Variants in TMEM60 observed in about 807,000 individuals in gnomAD.
TMEM60 encodes the protein chromosome 7 open reading frame 35.
Under a neutral mutation model 10.7 loss-of-function variants are expected in TMEM60, and 4 were observed. The observed-to-expected ratio is 0.37, with a 90% CI of 0.18 to 0.86. The LOEUF (loss-of-function observed/expected upper bound fraction) is 0.86, where lower values mean the gene tolerates loss of function less well. TMEM60 is among the 40% of genes least tolerant of loss of function. TMEM60 has a pLI of 0.43. For missense variants in TMEM60, 128 were observed against 153.4 expected (o/e 0.83, Z 0.88); for synonymous variants, 56 against 58.1 (o/e 0.96, Z 0.17).
Position 77,793,919 on chromosome 7 carries a change from C to G in TMEM60, c.*53G>C. 2 of 1,494,946 alleles carry G rather than the reference C, an allele frequency of 1.3e-6. No homozygotes were observed. Among genetic ancestry groups the G allele is most frequent in the Non-Finnish European group, 1.8e-6 (2 of 1,124,136 alleles). The allele number at this position is 1,494,946 out of a possible 1,614,324, so 92.6% of individuals were successfully genotyped here. ...CTTGAAGCTTGACAGATTCAGAACA[C>G]TTTAATGGTAACTTGTTGAACAGCA... On this transcript the variant is annotated 3_prime_UTR_variant, in exon 2 of 2. Transcript: ENST00000257663.
In TMEM60 at chr7:77,794,846, AAGAG is replaced by A. The variant is rs549610139; in HGVS notation, c.-50-427_-50-424del. Among the ~76,000 whole-genome samples, 43 of 152,286 alleles carry A rather than the reference AAGAG, an allele frequency of 2.8e-4. 1 individual carries two copies. The highest frequency in any genetic ancestry group is 2.0e-3 in the Admixed American group (31 of 15,292). ...AGTGAAAGGTGGGTATCAAGCTGAG[AAGAG>A]AGAGAGTTTTAAAAGAAGGGAATGG... is the stretch of plus-strand genomic sequence containing the variant. On this transcript the variant is annotated intron_variant, in intron 1 of 1. Transcript: ENST00000257663.
Position 77,793,832 on chromosome 7 carries a change from A to G in TMEM60, c.*140T>C. Reference sequence around the variant, plus strand: ...TTGACTAGAAGTCCGTGATTCACCAATCCTGTTTTATGGAAGTAGTATAAA... The same window carrying G: ...TTGACTAGAAGTCCGTGATTCACCAGTCCTGTTTTATGGAAGTAGTATAAA... On this transcript the variant is annotated 3_prime_UTR_variant, in exon 2 of 2. Transcript: ENST00000257663. 1 of 935,570 alleles carries G rather than the reference A, an allele frequency of 1.1e-6. No homozygotes were observed. Among genetic ancestry groups the G allele is most frequent in the Non-Finnish European group, 1.5e-6 (1 of 665,694 alleles). 58.0% of individuals were successfully genotyped at this position (935,570 alleles called of 1,614,324 possible).
chr7:77,795,257 C>T (rs924043542), intron 1 of TMEM60, among the ~76,000 whole-genome samples: 1 of 152,134 alleles, frequency 6.6e-6, no homozygotes, highest in Admixed American at 6.6e-5. Flanking sequence ...CAGTGGCTCA[C>T]ACCCACAGTC....
At chr7:77,796,001 G>C (rs1057257953) in intron 1 of TMEM60, among the ~76,000 whole-genome samples, 2 of 151,670 alleles carry the variant, frequency 1.3e-5, no homozygotes, top group Admixed American at 6.6e-5. Context: ...GCAGTGGCAC[G>C]ATCTCAGGTC....
intron 1 of TMEM60, among the ~76,000 whole-genome samples, chr7:77,796,808 G>A (rs1447204785): frequency 6.6e-6 from 1 of 152,206 alleles, no homozygotes; most frequent in Admixed American, 6.5e-5. Flanking sequence ...CCCTAGATTA[G>A]CGTGCTCAAT....
chr7:77,793,890 T>C lies in TMEM60; in HGVS notation c.*82A>G, dbSNP rs1393306955. The C allele has an allele frequency of 7.1e-7, 1 of 1,416,002 alleles. No individual in the cohort carries two copies. The highest frequency in any genetic ancestry group is 1.5e-5 in the African/African-American group (1 of 68,904). The allele number at this position is 1,416,002 out of a possible 1,614,324, so 87.7% of individuals were successfully genotyped here. A position where few individuals can be genotyped will look rare whatever the true frequency, so the allele number is the denominator to read the frequency against. On this transcript the variant is annotated 3_prime_UTR_variant, in exon 2 of 2. Transcript: ENST00000257663. ...TTGGTATTTTCCCTCAGTTCTCTGG[T>C]ATTCTTGAAGCTTGACAGATTCAGA...
chr7:77,794,153 ATAT>A lies in TMEM60; in HGVS notation c.218_220del (p.Asn73del). The stretch of plus-strand genomic sequence containing the variant: ...AATGAGGTACCAGGCTTTTTTTTTA[ATAT>A]TGTGTGATCCATGTCGAGGGTCAAA... On this transcript the variant is annotated inframe_deletion, in exon 2 of 2. Transcript: ENST00000257663. 6.2e-7 allele frequency: 1 copy of A among 1,612,886 alleles called. No homozygotes were observed. The highest frequency in any genetic ancestry group is 8.5e-7 in the Non-Finnish European group (1 of 1,179,768).
chr7:77,796,553 G>C (rs1392725779), intron 1 of TMEM60, among the ~76,000 whole-genome samples: 1 of 152,122 alleles, frequency 6.6e-6, no homozygotes, highest in Non-Finnish European at 1.5e-5. Context: ...GGCATTTGGA[G>C]AAGAGAAAAA....
chr7:77,796,182 C>T (rs1489999380), intron 1 of TMEM60, among the ~76,000 whole-genome samples: 1 of 152,150 alleles, frequency 6.6e-6, no homozygotes, highest in Non-Finnish European at 1.5e-5. Context: ...AAGTGATCCA[C>T]CCACCTCAGC....
chr7:77,793,949 A>G lies in TMEM60; in HGVS notation c.*23T>C. 1 of 1,523,544 alleles carries G rather than the reference A, an allele frequency of 6.6e-7. No individual in the cohort carries two copies. The highest frequency in any genetic ancestry group is 1.4e-5 in the South Asian group (1 of 73,670). 94.4% of individuals were successfully genotyped at this position (1,523,544 alleles called of 1,614,324 possible). A position where few individuals can be genotyped will look rare whatever the true frequency, so the allele number is the denominator to read the frequency against. Reference sequence around the variant, plus strand: ...ATGGTAACTTGTTGAACAGCAATAGAAAGGAGATGATGTACTTAGAAGTCA... The same window carrying G: ...ATGGTAACTTGTTGAACAGCAATAGGAAGGAGATGATGTACTTAGAAGTCA... On this transcript the variant is annotated 3_prime_UTR_variant, in exon 2 of 2. Coordinates refer to ENST00000257663, the MANE Select transcript of TMEM60 (RefSeq NM_032936.4).
In TMEM60 at chr7:77,794,056, T is replaced by C. The variant is rs757103379; in HGVS notation, c.318A>G (p.Leu106=). ...AKLEQFTTMN[L]SYVFIPLWAL... is the part of the protein sequence containing the mutation. ...CCCATAAAGGAATGAAGACATAGGA[T>C]AGATTCATGGTAGTAAACTGTTCCA... The change falls in exon 2 of 2, where the codon CTA becomes CTG. Residue 106 remains leucine (L), a synonymous_variant. Transcript: ENST00000257663. 4 of 1,613,240 alleles carry C rather than the reference T, an allele frequency of 2.5e-6. No individual in the cohort carries two copies. Among genetic ancestry groups the C allele is most frequent in the Middle Eastern group, 1.7e-4 (1 of 6,056 alleles).
intron 1 of TMEM60, among the ~76,000 whole-genome samples, chr7:77,796,648 G>A (rs1431763277): frequency 6.6e-6 from 1 of 152,214 alleles, no homozygotes; most frequent in African/African-American, 2.4e-5. Context: ...AGCCAATGGG[G>A]AATGACACTG....
intron 1 of TMEM60, among the ~76,000 whole-genome samples, chr7:77,795,406 T>C (rs1002661115): frequency 3.3e-5 from 5 of 151,928 alleles, no homozygotes; most frequent in Admixed American, 1.3e-4. Flanking sequence ...TATTCCCTGC[T>C]ACTCGCGAGG....
chr7:77,797,829 A>G (rs928442712), intron 1 of TMEM60, among the ~76,000 whole-genome samples: 1 of 152,156 alleles, frequency 6.6e-6, no homozygotes, highest in African/African-American at 2.4e-5. Context: ...CTCATCCCAA[A>G]GATAATTTTG....
In TMEM60 at chr7:77,798,279, G is replaced by A. The variant is rs1232305787; in HGVS notation, c.-76C>T. 6.6e-6 allele frequency: 1 copy of A among 152,298 alleles called. No individual in the cohort carries two copies. The highest frequency in any genetic ancestry group is 1.5e-5 in the Non-Finnish European group (1 of 68,096). 9.4% of individuals were successfully genotyped at this position (152,298 alleles called of 1,614,324 possible). A position where few individuals can be genotyped will look rare whatever the true frequency, so the allele number is the denominator to read the frequency against. ...CTGGCAGCGCTGCCGGCCGGAAAGC[G>A]GAGAGGGACGCGAAGATCAGCAAAT... On this transcript the variant is annotated 5_prime_UTR_variant, in exon 1 of 2. Coordinates refer to ENST00000257663, the MANE Select transcript of TMEM60 (RefSeq NM_032936.4).
intron 1 of TMEM60, among the ~76,000 whole-genome samples, chr7:77,797,952 G>A (rs1453442916): frequency 6.6e-6 from 1 of 152,208 alleles, no homozygotes; most frequent in African/African-American, 2.4e-5. Context: ...AGCTCATCTG[G>A]GGGCCTATTT....
At chr7:77,795,330 G>A (rs777634086) in intron 1 of TMEM60, among the ~76,000 whole-genome samples, 2 of 152,076 alleles carry the variant, frequency 1.3e-5, no homozygotes, top group African/African-American at 2.4e-5. Flanking sequence ...GACTAGTCTG[G>A]GCAACATGGC....
chr7:77,793,799 G>A lies in TMEM60; in HGVS notation c.*173C>T. The A allele has an allele frequency of 1.6e-6, 1 of 626,364 alleles. No homozygotes were observed. Among genetic ancestry groups the A allele is most frequent in the South Asian group, 3.7e-5 (1 of 27,176 alleles). 38.8% of individuals were successfully genotyped at this position (626,364 alleles called of 1,614,324 possible). A position where few individuals can be genotyped will look rare whatever the true frequency, so the allele number is the denominator to read the frequency against. On this transcript the variant is annotated 3_prime_UTR_variant, in exon 2 of 2. Transcript: ENST00000257663. ...AATAACTCAAATGCTGAATAATTAA[G>A]CTGTAGGTTGACTAGAAGTCCGTGA... is the stretch of plus-strand genomic sequence containing the variant.
intron 1 of TMEM60, among the ~76,000 whole-genome samples, chr7:77,796,232 C>T (rs776622793): frequency 2.0e-5 from 3 of 152,118 alleles, no homozygotes; most frequent in Non-Finnish European, 2.9e-5. Flanking sequence ...GCCACCACGC[C>T]GGCCTCTTTT....
Sources: gnomAD v4.1 joint callset for allele counts (sites outside exome capture counted in the v4.1 genomes callset) on GRCh38, gnomAD v4.1.1 for gene constraint, MANE v1.5 for transcripts, NCBI Gene and HGNC (gene_info 2026-07-23, HGNC 2026-07-21) for gene names.